MAP2K1: variants seen among roughly 807,000 people sequenced by gnomAD.
MAP2K1 encodes mitogen-activated protein kinase kinase 1, also known as dual specificity mitogen-activated protein kinase kinase 1.
MAP2K1 carries 16 observed loss-of-function variants against 46.3 expected under a neutral mutation model. The ratio of observed to expected loss-of-function variants is 0.35; its 90% confidence interval spans 0.23 to 0.52. The LOEUF is 0.52. MAP2K1 is among the 20% of genes least tolerant of loss of function. The pLI is 0.94. For synonymous variants in MAP2K1, 183 were observed against 185.6 expected, an observed-to-expected ratio of 0.99 and a Z score of 0.11; for missense variants, 263 against 497.1, an observed-to-expected ratio of 0.53 and a Z score of 4.48.
In MAP2K1 at chr15:66,453,665, G is replaced by A. The variant is rs888223916; in HGVS notation, c.568+8958G>A. On this transcript the variant is annotated intron_variant, in intron 5 of 10. Transcript: ENST00000307102. ...CTCTGTTCTAAATATATTCTTCACT[G>A]ATGAAATTTCAACTTCATTTATTCT... The A allele has an allele frequency of 3.4e-5, 20 of 590,138 alleles. No homozygotes were observed. In the East Asian group the frequency reaches 5.6e-4, roughly 16 times the overall value. The allele number at this position is 590,138 out of a possible 1,614,324, so 36.6% of individuals were successfully genotyped here.
At chr15:66,486,648 G>GT (rs1280036519) in intron 7 of MAP2K1, among the ~76,000 whole-genome samples, 3 of 152,146 alleles carry the variant, frequency 2.0e-5, no homozygotes, top group Admixed American at 2.0e-4. Flanking sequence ...GGTACTCAGG[G>GT]AATAGCCTGA....
intron 5 of MAP2K1, among the ~76,000 whole-genome samples, chr15:66,454,137 C>T (rs770778268): frequency 1.5e-4 from 23 of 152,330 alleles, no homozygotes; most frequent in Non-Finnish European, 2.6e-4. Flanking sequence ...AGGGGGTAAA[C>T]CCTACTACTT....
chr15:66,417,701 C>G (rs561655855), intron 1 of MAP2K1, among the ~76,000 whole-genome samples: 2 of 152,090 alleles, frequency 1.3e-5, no homozygotes, highest in South Asian at 2.1e-4. Context: ...AGAGGTGATA[C>G]GTGCTCAGGG....
At chr15:66,485,506 C>T (rs1893017051) in intron 7 of MAP2K1, among the ~76,000 whole-genome samples, 2 of 152,166 alleles carry the variant, frequency 1.3e-5, no homozygotes, top group Admixed American at 6.5e-5. Flanking sequence ...TGGCTAGTCA[C>T]AGTCTTCAAC....
chr15:66,423,272 A>G (rs1049871287), intron 1 of MAP2K1, among the ~76,000 whole-genome samples: 3 of 152,082 alleles, frequency 2.0e-5, no homozygotes, highest in African/African-American at 7.2e-5. Flanking sequence ...TCATTTGTTC[A>G]TACATGTTGT....
chr15:66,416,557 G>C (rs114131053), intron 1 of MAP2K1, among the ~76,000 whole-genome samples: 312 of 152,256 alleles, frequency 2.0e-3, no homozygotes, highest in African/African-American at 5.9e-3. Flanking sequence ...CCTATCCCAT[G>C]CCCTTTTCTA....
chr15:66,452,292 A>G (rs1186438886), intron 5 of MAP2K1, among the ~76,000 whole-genome samples: 2 of 21,078 alleles, frequency 9.5e-5, no homozygotes, highest in African/African-American at 2.1e-4. Context: ...TATAATAAAA[A>G]AAAAAAAAAA....
At position 66,387,194 on chromosome 15, in the gene MAP2K1, C is replaced by T. The variant is rs965670100; in HGVS notation, c.-154C>T. On this transcript the variant is annotated 5_prime_UTR_variant, in exon 1 of 11. Transcript: ENST00000307102. ...TGAGACCGCTACCGGCCCCTCGGCG[C>T]TGACGGGACCGCGCGGGGCGCACCC... is the stretch of plus-strand genomic sequence containing the variant. The T allele has an allele frequency of 7.1e-6, 4 of 562,318 alleles. No individual in the cohort carries two copies. Among genetic ancestry groups the T allele is most frequent in the East Asian group, 6.8e-5 (2 of 29,386 alleles). The allele number at this position is 562,318 out of a possible 1,614,324, so 34.8% of individuals were successfully genotyped here.
In MAP2K1 at chr15:66,420,821, A is replaced by G. The variant is rs1338302276; in HGVS notation, c.81-14206A>G. Reference sequence around the variant, plus strand: ...TATATATGTGTATATATATGTGTATATATATATGTGTATATATATGTGTGT... The same window carrying G: ...TATATATGTGTATATATATGTGTATGTATATATGTGTATATATATGTGTGT... On this transcript the variant is annotated intron_variant, in intron 1 of 10. Transcript: ENST00000307102. Among the ~76,000 whole-genome samples, 13 of 109,286 alleles carry G rather than the reference A, an allele frequency of 1.2e-4. 3 individuals are homozygous for G. The highest frequency in any genetic ancestry group is 6.5e-4 in the South Asian group (2 of 3,070). 71.7% of individuals were successfully genotyped at this position (109,286 alleles called of 152,430 possible).
intron 1 of MAP2K1, among the ~76,000 whole-genome samples, chr15:66,402,157 G>GT (rs2093383423): frequency 6.6e-6 from 1 of 152,172 alleles, no homozygotes; most frequent in African/African-American, 2.4e-5. Flanking sequence ...TCAAAAGCGT[G>GT]TTTTTTGACT....
chr15:66,487,693 A>G (rs1893089122), intron 8 of MAP2K1, among the ~76,000 whole-genome samples: 2 of 152,198 alleles, frequency 1.3e-5, no homozygotes, highest in African/African-American at 2.4e-5. Flanking sequence ...GCTTTATACT[A>G]AGCACCATGG....
chr15:66,489,150 A>G (rs1595888302), intron 8 of MAP2K1, 65 bp from the exon 9 acceptor site: 2 of 1,252,596 alleles, frequency 1.6e-6, no homozygotes, highest in South Asian at 2.4e-5. Context: ...GAGGGGTGGG[A>G]TGGGGAGAGG....
At chr15:66,473,580 T>C (rs185884240) in intron 5 of MAP2K1, among the ~76,000 whole-genome samples, 7 of 152,326 alleles carry the variant, frequency 4.6e-5, no homozygotes, top group Admixed American at 3.3e-4. Context: ...TTGACTGCTC[T>C]TCTTTCCTTT....
At chr15:66,406,316 A>G (rs1337355404) in intron 1 of MAP2K1, among the ~76,000 whole-genome samples, 1 of 152,174 alleles carries the variant, frequency 6.6e-6, no homozygotes, top group Non-Finnish European at 1.5e-5. Flanking sequence ...TGTGGATCAT[A>G]CTTCATAGCT....
intron 1 of MAP2K1, among the ~76,000 whole-genome samples, chr15:66,426,113 C>T (rs1303335639): frequency 6.7e-6 from 1 of 149,960 alleles, no homozygotes; most frequent in African/African-American, 2.5e-5. Flanking sequence ...AGGTTTTAGA[C>T]GGGGCCTGGG....
chr15:66,446,401 A>G (rs1241199075), intron 5 of MAP2K1: 1 of 160,742 alleles, frequency 6.2e-6, no homozygotes, highest in Non-Finnish European at 1.4e-5. Context: ...ACTGCGCACC[A>G]CTGCACTCCA....
intron 1 of MAP2K1, among the ~76,000 whole-genome samples, chr15:66,431,944 T>G (rs1464948136): frequency 6.6e-6 from 1 of 152,118 alleles, no homozygotes. Context: ...GAACATGCGG[T>G]ATTTGGTTTT....
At chr15:66,465,749 T>G (rs911276345) in intron 5 of MAP2K1, among the ~76,000 whole-genome samples, 1 of 152,146 alleles carries the variant, frequency 6.6e-6, no homozygotes, top group Non-Finnish European at 1.5e-5. Flanking sequence ...ATTTTTTCTC[T>G]CTCCACTTTC....
At chr15:66,443,077 T>C (rs939331321) in intron 3 of MAP2K1, among the ~76,000 whole-genome samples, 2 of 125,684 alleles carry the variant, frequency 1.6e-5, no homozygotes, top group Admixed American at 1.0e-4. Context: ...TTTTTTTGTG[T>C]GTGTATTTTT....
Sources: allele counts gnomAD v4.1 joint callset (sites outside exome capture counted in the v4.1 genomes callset), GRCh38; gene constraint gnomAD v4.1.1; transcripts MANE v1.5; gene names NCBI Gene and HGNC (gene_info 2026-07-23, HGNC 2026-07-21).